POLA2: variants seen among roughly 807,000 people sequenced by gnomAD.
The protein encoded by POLA2 is DNA polymerase alpha subunit B.
In POLA2, 47 loss-of-function variants were observed where a neutral mutation model predicts 82.8. That is an observed-to-expected ratio of 0.57 (90% CI 0.45 to 0.72). The LOEUF is 0.72. POLA2 is among the 30% of genes least tolerant of loss of function. POLA2 has a pLI of 0.00. For missense variants in POLA2, 634 were observed against 728.1 expected (o/e 0.87, Z 1.49); for synonymous variants, 287 against 286.8 (o/e 1.00, Z -0.01).
Position 65,280,974 on chromosome 11 carries a change from G to C in POLA2, c.745-18G>C. On this transcript the variant is annotated intron_variant, in intron 7 of 17. Coordinates refer to ENST00000265465, the MANE Select transcript of POLA2 (RefSeq NM_002689.4). ...CTCCAAAGACTGTCATTCTTATGCT[G>C]TGACCTTCCTTTGGTAGGAGCCTGT... The C allele has an allele frequency of 6.2e-7, 1 of 1,612,510 alleles. No homozygotes were observed. The highest frequency in any genetic ancestry group is 2.2e-5 in the East Asian group (1 of 44,872).
intron 3 of POLA2, among the ~76,000 whole-genome samples, 176 bp from the exon 4 acceptor site, chr11:65,268,496 C>T (rs774094476): frequency 1.3e-5 from 2 of 151,482 alleles, no homozygotes; most frequent in Admixed American, 6.6e-5. Context: ...GGACTACAGG[C>T]GCCCGGCTAA....
Position 65,279,635 on chromosome 11 carries a change from T to C in POLA2, c.744+9T>C. The C allele has an allele frequency of 6.3e-7, 1 of 1,580,764 alleles. No homozygotes were observed. Among genetic ancestry groups the C allele is most frequent in the Non-Finnish European group, 8.7e-7 (1 of 1,151,444 alleles). On this transcript the variant is annotated intron_variant, in intron 7 of 17. Transcript: ENST00000265465. ...TGCTAGCCCCAGCACAGGTAAGAGT[T>C]GTTCTAATAGTTCTCACTAATTAAT... is the stretch of plus-strand genomic sequence containing the variant.
In POLA2 at chr11:65,271,754, G is replaced by A. The variant is rs1010173265; in HGVS notation, c.354+3025G>A. On this transcript the variant is annotated intron_variant, in intron 4 of 17. Transcript: ENST00000265465. ...CTCAGGAGGCTGAGGCAGGAGAATC[G>A]CTTGAACCCGGGAGGTGGAAGTTGC... is the stretch of plus-strand genomic sequence containing the variant. Among the ~76,000 whole-genome samples the A allele has an allele frequency of 3.3e-5, 5 of 150,166 alleles. 1 individual carries two copies. The South Asian group carries it at 6.3e-4, about 19-fold the overall frequency.
intron 8 of POLA2, 127 bp downstream of exon 8, chr11:65,281,274 C>T: frequency 1.0e-6 from 1 of 986,724 alleles, no homozygotes; most frequent in Non-Finnish European, 1.5e-6. Flanking sequence ...GGAGCACATG[C>T]CCCAGAGCAG....
chr11:65,268,979 C>T (rs1949492679), intron 4 of POLA2, among the ~76,000 whole-genome samples: 1 of 152,112 alleles, frequency 6.6e-6, no homozygotes, highest in Non-Finnish European at 1.5e-5. Context: ...TCCATAATTG[C>T]CCTTTTTGAA....
At chr11:65,297,013 T>A in intron 17 of POLA2, 107 bp from the exon 18 acceptor site, 2 of 1,233,020 alleles carry the variant, frequency 1.6e-6, no homozygotes, top group Non-Finnish European at 2.3e-6. Context: ...CGTTTCCATT[T>A]TCTAAAACCC....
Position 65,262,213 on chromosome 11 carries a change from T to C in POLA2, c.-80T>C, listed in dbSNP as rs1949405197. Reference sequence around the variant, plus strand: ...GAAGGATAAGAGGGCGAGGAGCTCATCGCTCGCCACCCCCGTGGGCTTCTT... The same window carrying C: ...GAAGGATAAGAGGGCGAGGAGCTCACCGCTCGCCACCCCCGTGGGCTTCTT... On this transcript the variant is annotated 5_prime_UTR_variant, in exon 1 of 18. Coordinates refer to ENST00000265465, the MANE Select transcript of POLA2 (RefSeq NM_002689.4). 1 of 1,092,632 alleles carries C rather than the reference T, an allele frequency of 9.2e-7. No homozygotes were observed. The highest frequency in any genetic ancestry group is 2.0e-5 in the Admixed American group (1 of 49,798). 67.7% of individuals were successfully genotyped at this position (1,092,632 alleles called of 1,614,324 possible).
downstream of POLA2, among the ~76,000 whole-genome samples, chr11:65,301,993 CTT>C (rs1250928903): frequency 6.6e-5 from 10 of 152,332 alleles, no homozygotes; most frequent in African/African-American, 2.4e-4. Flanking sequence ...TGCCCCGCCT[CTT>C]CCCGGGGCTC....
At chr11:65,273,899 A>G (rs945576335) in intron 4 of POLA2, among the ~76,000 whole-genome samples, 1 of 152,204 alleles carries the variant, frequency 6.6e-6, no homozygotes, top group Non-Finnish European at 1.5e-5. Flanking sequence ...AGCTGTATGC[A>G]TGAAGATACG....
At chr11:65,287,984 T>C in intron 11 of POLA2, 144 bp downstream of exon 11, 1 of 906,844 alleles carries the variant, frequency 1.1e-6, no homozygotes, top group Non-Finnish European at 1.6e-6. Context: ...GAGAGGTATA[T>C]ATATCTATGG....
intron 5 of POLA2, among the ~76,000 whole-genome samples, chr11:65,277,651 T>A (rs2137533013): frequency 6.6e-6 from 1 of 152,338 alleles, no homozygotes; most frequent in African/African-American, 2.4e-5. Context: ...ATTCTCCAAA[T>A]GTCAATACAA....
chr11:65,277,036 C>T (rs571928645), intron 5 of POLA2, among the ~76,000 whole-genome samples: 3 of 152,126 alleles, frequency 2.0e-5, no homozygotes, highest in South Asian at 2.1e-4. Flanking sequence ...GTGATCCACC[C>T]GCCTTGGCCT....
intron 13 of POLA2, among the ~76,000 whole-genome samples, chr11:65,291,100 A>G (rs1949750611): frequency 2.0e-5 from 3 of 152,224 alleles, no homozygotes; most frequent in Admixed American, 6.5e-5. Context: ...GAAATCTGAC[A>G]TCCTCCATTC....
At position 65,297,147 on chromosome 11, in the gene POLA2, C is replaced by T; in HGVS notation, c.1675C>T (p.Pro559Ser). 6.2e-7 allele frequency: 1 copy of T among 1,614,098 alleles called. No homozygotes were observed. The highest frequency in any genetic ancestry group is 1.1e-5 in the South Asian group (1 of 91,072). Reference protein sequence around the residue: ...KDVLGCVCVNPGRLTKGQVGG... With the variant: ...KDVLGCVCVNSGRLTKGQVGG... ...TGTCCTCGGCTGTGTCTGTGTGAAC[C>T]CTGGGCGCCTTACCAAAGGGCAGGT... Residue 559 changes from proline to serine, a missense_variant, in exon 18 of 18, where the codon CCT becomes TCT. Coordinates refer to ENST00000265465, the MANE Select transcript of POLA2 (RefSeq NM_002689.4).
chr11:65,263,681 G>T (rs1949426015), intron 1 of POLA2, among the ~76,000 whole-genome samples: 3 of 152,094 alleles, frequency 2.0e-5, no homozygotes. Context: ...TACAAAATTA[G>T]TCGGGCGTGG....
intron 13 of POLA2, among the ~76,000 whole-genome samples, chr11:65,293,270 A>G (rs1949773848): frequency 6.6e-6 from 1 of 152,070 alleles, no homozygotes; most frequent in South Asian, 2.1e-4. Context: ...TCCAGTAATT[A>G]TGGCCCAGTG....
intron 13 of POLA2, among the ~76,000 whole-genome samples, chr11:65,292,331 C>T (rs1383156097): frequency 6.6e-6 from 1 of 152,206 alleles, no homozygotes; most frequent in African/African-American, 2.4e-5. Context: ...GAGGACCCTC[C>T]CGCTGTGACG....
At chr11:65,289,024 T>G (rs753766787) in intron 11 of POLA2, 26 bp from the exon 12 acceptor site, 1 of 1,609,824 alleles carries the variant, frequency 6.2e-7, no homozygotes, top group Non-Finnish European at 8.5e-7. Flanking sequence ...TTTGTTCTTT[T>G]GGTGTCTTTG....
In POLA2 at chr11:65,294,255, CA is replaced by C. The variant is rs761315699; in HGVS notation, c.1352del (p.Lys451SerfsTer14). 3.3e-5 allele frequency: 53 copies of C among 1,613,062 alleles called. No individual in the cohort carries two copies. Among genetic ancestry groups the C allele is most frequent in the Non-Finnish European group, 4.1e-5 (48 of 1,179,042 alleles). On this transcript the variant is annotated frameshift_variant, in exon 14 of 18. Transcript: ENST00000265465. LOFTEE classifies it high-confidence loss of function. ...FSYSDLSRED[K>X]KQVQFVSEPC... ...GCTACTCCGATCTGTCTCGAGAGGA[CA>C]AAAAGGTAGCAGCACCCACTCCTTG...
Sources: allele counts gnomAD v4.1 joint callset (sites outside exome capture counted in the v4.1 genomes callset), GRCh38; gene constraint gnomAD v4.1.1; transcripts MANE v1.5; gene names NCBI Gene and HGNC (gene_info 2026-07-23, HGNC 2026-07-21).